EPDR1: variants seen among roughly 807,000 people sequenced by gnomAD.
The protein encoded by EPDR1 is ependymin related 1.
In EPDR1, 27 loss-of-function variants were observed where a neutral mutation model predicts 23.7. That is an observed-to-expected ratio of 1.14 (90% CI 0.84 to 1.57). The LOEUF is 1.57. EPDR1 is among the 40% of genes most tolerant of loss of function. The pLI is 0.00. For missense variants in EPDR1, 349 were observed against 290.4 expected (o/e 1.20, Z -1.47); for synonymous variants, 137 against 118.2 (o/e 1.16, Z -1.03).
At chr7:37,933,942 C>T (rs955033087) in intron 1 of EPDR1, among the ~76,000 whole-genome samples, 3 of 152,058 alleles carry the variant, frequency 2.0e-5, no homozygotes, top group Non-Finnish European at 4.4e-5. Flanking sequence ...TCATCAAGAC[C>T]CCAGGCTTAT....
At position 37,945,972 on chromosome 7, in the gene EPDR1, A is replaced by G. The variant is rs117165714; in HGVS notation, c.270-2868A>G. 4.3e-3 allele frequency among the ~76,000 whole-genome samples: 658 copies of G among 152,312 alleles called. 3 individuals carry two copies. The highest frequency in any genetic ancestry group is 7.6e-3 in the Non-Finnish European group (519 of 68,036). On this transcript the variant is annotated intron_variant, in intron 1 of 2. Coordinates refer to ENST00000199448, the MANE Select transcript of EPDR1 (RefSeq NM_017549.5). ...CTCCCGCTTATAAGTGAGAACATGCAGTATTTGCTTTTCCGTTTCTGTGTT... is the reference window on the plus strand; with the variant it reads ...CTCCCGCTTATAAGTGAGAACATGCGGTATTTGCTTTTCCGTTTCTGTGTT...
intron 1 of EPDR1, among the ~76,000 whole-genome samples, chr7:37,925,995 C>T (rs1365684482): frequency 6.6e-6 from 1 of 152,074 alleles, no homozygotes; most frequent in Non-Finnish European, 1.5e-5. Context: ...AAGAGGCTAC[C>T]TTGAAATGCC....
In EPDR1 at chr7:37,948,976, C is replaced by G. The variant is rs768165962; in HGVS notation, c.406C>G (p.Gln136Glu). The G allele has an allele frequency of 2.5e-6, 4 of 1,614,122 alleles. No homozygotes were observed. The highest frequency in any genetic ancestry group is 3.4e-6 in the Non-Finnish European group (4 of 1,180,006). Residue 136 changes from glutamine (Q) to glutamate (E), a missense_variant, in exon 2 of 3, where the codon CAG becomes GAG. Transcript: ENST00000199448. ...DIPQNSTFED[Q>E]YSIGGPQEQI... ...TCCTCAAAACTCCACCTTTGAAGAC[C>G]AGTACTCCATCGGGGGGCCTCAGGA...
At position 37,949,057 on chromosome 7, in the gene EPDR1, T is replaced by C. The variant is rs149815954; in HGVS notation, c.478+9T>C. The C allele has an allele frequency of 1.0e-4, 166 of 1,612,950 alleles. 1 individual carries two copies. The African/African-American group carries it at 2.1e-3, about 20-fold the overall frequency. On this transcript the variant is annotated intron_variant, in intron 2 of 2. Coordinates refer to ENST00000199448, the MANE Select transcript of EPDR1 (RefSeq NM_017549.5). Reference sequence around the variant, plus strand: ...AAAGTCAGCTAGATCCTGTAAGGGTTCAAAGAATCTAAGCATTGTATTCAG... The same window carrying C: ...AAAGTCAGCTAGATCCTGTAAGGGTCCAAAGAATCTAAGCATTGTATTCAG...
At chr7:37,921,320 C>G in intron 1 of EPDR1, 112 bp downstream of exon 1, 1 of 1,437,334 alleles carries the variant, frequency 7.0e-7, no homozygotes, top group Non-Finnish European at 9.1e-7. Context: ...CAGCTCCTCC[C>G]TTCTCCCAGA....
chr7:37,929,780 G>A (rs957262030), intron 1 of EPDR1, among the ~76,000 whole-genome samples: 1 of 152,140 alleles, frequency 6.6e-6, no homozygotes, highest in African/African-American at 2.4e-5. Context: ...CACCTCCAGA[G>A]AGTGGATGCC....
chr7:37,932,214 G>A (rs559583648), intron 1 of EPDR1, among the ~76,000 whole-genome samples: 1 of 152,152 alleles, frequency 6.6e-6, no homozygotes, highest in Non-Finnish European at 1.5e-5. Flanking sequence ...TGCCTGTGAG[G>A]TGGTTTTTGT....
chr7:37,929,692 A>C (rs1438411876), intron 1 of EPDR1, among the ~76,000 whole-genome samples: 2 of 152,188 alleles, frequency 1.3e-5, no homozygotes, highest in African/African-American at 2.4e-5. Flanking sequence ...TTTTCTGTTA[A>C]GAATGATTTT....
chr7:37,942,501 G>A (rs1270729885), intron 1 of EPDR1, among the ~76,000 whole-genome samples: 2 of 152,234 alleles, frequency 1.3e-5, no homozygotes, highest in East Asian at 3.9e-4. Context: ...GAGTTCTGGA[G>A]ACTGATGTAC....
intron 1 of EPDR1, among the ~76,000 whole-genome samples, chr7:37,937,280 C>T (rs573705987): frequency 6.6e-6 from 1 of 152,206 alleles, no homozygotes; most frequent in South Asian, 2.1e-4. Context: ...CAAAATAAAA[C>T]CACACAGTTA....
rs1041215786 is a variant in EPDR1 at position 37,920,660 on chromosome 7, A to C, written c.-280A>C. The C allele has an allele frequency of 3.2e-6, 5 of 1,583,608 alleles. No individual in the cohort carries two copies. The highest frequency in any genetic ancestry group is 1.3e-5 in the African/African-American group (1 of 74,122). ...TGAGCAGTGAAAACCGAAGCGGCAG[A>C]AGGCAGTGGCAGCAGGCAGTGGCAG... On this transcript the variant is annotated 5_prime_UTR_variant, in exon 1 of 3. Transcript: ENST00000199448.
Position 37,950,564 on chromosome 7 carries a change from T to A in EPDR1, c.*168T>A, listed in dbSNP as rs947846448. ...TGTGTCTGATTTTGACTACTCAAGCTCTGTTTACAGAAGAAAATTGAATGG... is the reference window on the plus strand; with the variant it reads ...TGTGTCTGATTTTGACTACTCAAGCACTGTTTACAGAAGAAAATTGAATGG... On this transcript the variant is annotated 3_prime_UTR_variant, in exon 3 of 3. Transcript: ENST00000199448. 12 of 684,816 alleles carry A rather than the reference T, an allele frequency of 1.8e-5. No homozygotes were observed. The highest frequency in any genetic ancestry group is 1.4e-5 in the Non-Finnish European group (6 of 419,426). 42.4% of individuals were successfully genotyped at this position (684,816 alleles called of 1,614,324 possible). A position where few individuals can be genotyped will look rare whatever the true frequency, so the allele number is the denominator to read the frequency against.
chr7:37,923,366 G>A (rs1168631802), intron 1 of EPDR1, among the ~76,000 whole-genome samples: 1 of 152,146 alleles, frequency 6.6e-6, no homozygotes, highest in Non-Finnish European at 1.5e-5. Context: ...TGATTGGACG[G>A]GTTGTGGCAG....
At chr7:37,921,262 G>C (rs1488568943) in intron 1 of EPDR1, 54 bp downstream of exon 1, 3 of 1,527,656 alleles carry the variant, frequency 2.0e-6, no homozygotes, top group Non-Finnish European at 2.6e-6. Context: ...GGCATGGGGA[G>C]GGCGAGGTCG....
chr7:37,947,083 C>CT (rs1786291352), intron 1 of EPDR1, among the ~76,000 whole-genome samples: 1 of 152,218 alleles, frequency 6.6e-6, no homozygotes, highest in African/African-American at 2.4e-5. Flanking sequence ...CCTTCACATT[C>CT]TGTCACCACT....
chr7:37,947,735 G>C (rs1023412425), intron 1 of EPDR1, among the ~76,000 whole-genome samples: 1 of 152,200 alleles, frequency 6.6e-6, no homozygotes, highest in Non-Finnish European at 1.5e-5. Context: ...TAGATTGACA[G>C]TGAAATGCAT....
chr7:37,929,242 T>A (rs751627663), intron 1 of EPDR1, among the ~76,000 whole-genome samples: 9 of 152,210 alleles, frequency 5.9e-5, no homozygotes, highest in Non-Finnish European at 1.3e-4. Flanking sequence ...TGGCAGAGTG[T>A]TTAACGTTAA....
intron 1 of EPDR1, among the ~76,000 whole-genome samples, chr7:37,945,460 C>T (rs559026003): frequency 6.6e-6 from 1 of 152,250 alleles, no homozygotes; most frequent in Admixed American, 6.5e-5. Flanking sequence ...TTCCATACTA[C>T]CTCATAGAAA....
At chr7:37,928,788 T>C (rs1300524343) in intron 1 of EPDR1, among the ~76,000 whole-genome samples, 1 of 152,164 alleles carries the variant, frequency 6.6e-6, no homozygotes, top group Non-Finnish European at 1.5e-5. Context: ...TCTCTTTATG[T>C]TCCTACCTAT....
Sources: allele counts gnomAD v4.1 joint callset (sites outside exome capture counted in the v4.1 genomes callset), GRCh38; gene constraint gnomAD v4.1.1; transcripts MANE v1.5; gene names NCBI Gene and HGNC (gene_info 2026-07-23, HGNC 2026-07-21).